Variants in ERCC6L2 observed in about 807,000 individuals in gnomAD.
The protein encoded by ERCC6L2 is DNA excision repair protein ERCC-6-like 2.
A neutral mutation model predicts 132.0 loss-of-function variants in ERCC6L2; 77 were observed. The ratio of observed to expected loss-of-function variants is 0.58; its 90% CI spans 0.49 to 0.71. The LOEUF is 0.71. Ranked by LOEUF, ERCC6L2 falls within the 30% of genes least tolerant of loss-of-function variation. The pLI, the probability that ERCC6L2 is intolerant of heterozygous loss-of-function variation, is 0.00. For missense variants in ERCC6L2, 1,542 were observed against 1,837.6 expected (o/e 0.84, Z 2.94); for synonymous variants, 583 against 632.4 (o/e 0.92, Z 1.17).
intron 19 of ERCC6L2, among the ~76,000 whole-genome samples, chr9:96,024,501 T>C (rs1243958262): frequency 6.6e-6 from 1 of 152,230 alleles, no homozygotes; most frequent in Admixed American, 6.5e-5. Flanking sequence ...CTTGCTGTCC[T>C]CGGACCTCTC....
chr9:95,973,816 A>G (rs74410780), intron 16 of ERCC6L2, among the ~76,000 whole-genome samples: 1,561 of 152,298 alleles, frequency 0.01, 10 homozygotes, highest in Non-Finnish European at 0.016. Flanking sequence ...TAAAAATATT[A>G]TATAGTCTTT....
chr9:95,985,773 C>T (rs1564286892), intron 17 of ERCC6L2, among the ~76,000 whole-genome samples: 1 of 152,188 alleles, frequency 6.6e-6, no homozygotes, highest in Non-Finnish European at 1.5e-5. Context: ...AGACACTCAC[C>T]TAATCAAGAT....
chr9:96,002,947 A>C (rs1431195879), intron 17 of ERCC6L2, among the ~76,000 whole-genome samples: 2 of 151,788 alleles, frequency 1.3e-5, no homozygotes, highest in Non-Finnish European at 2.9e-5. Flanking sequence ...CATTTTAGAA[A>C]CTTTGATATG....
chr9:95,974,530 A>T (rs997812157), intron 16 of ERCC6L2, among the ~76,000 whole-genome samples: 22 of 152,166 alleles, frequency 1.4e-4, no homozygotes, highest in African/African-American at 5.3e-4. Context: ...GCTTCCTTGT[A>T]GTCTAGTCTT....
chr9:96,014,341 T>C lies in ERCC6L2; in HGVS notation c.*1138T>C, dbSNP rs908662476. ...AACTGGCTGTGCTAAAGAGCACTGC[T>C]ATCAAGTTGAGGAGAGAGGGCTTCC... is the stretch of plus-strand genomic sequence containing the variant. On this transcript the variant is annotated 3_prime_UTR_variant, in exon 19 of 19. Transcript: ENST00000653738. The C allele has an allele frequency of 3.3e-5, 5 of 152,244 alleles. No homozygotes were observed. Among genetic ancestry groups the C allele is most frequent in the African/African-American group, 1.2e-4 (5 of 41,462 alleles). 9.4% of individuals were successfully genotyped at this position (152,244 alleles called of 1,614,324 possible). A position where few individuals can be genotyped will look rare whatever the true frequency, so the allele number is the denominator to read the frequency against.
intron 4 of ERCC6L2, among the ~76,000 whole-genome samples, chr9:95,914,316 C>T (rs970713784): frequency 6.6e-6 from 1 of 151,778 alleles, no homozygotes; most frequent in Non-Finnish European, 1.5e-5. Flanking sequence ...GAATCTTTTG[C>T]TCATGTTTTA....
chr9:95,907,705 A>G (rs1208997369), intron 4 of ERCC6L2, among the ~76,000 whole-genome samples: 2 of 152,104 alleles, frequency 1.3e-5, no homozygotes, highest in Admixed American at 1.3e-4. Context: ...AAAGAATGAT[A>G]AGACTTGTCC....
intron 2 of ERCC6L2, among the ~76,000 whole-genome samples, chr9:95,892,028 G>A (rs1288428543): frequency 6.6e-6 from 1 of 152,000 alleles, no homozygotes; most frequent in African/African-American, 2.4e-5. Context: ...TTTGATGCAC[G>A]AAAGTTAAGT....
chr9:95,895,207 GC>G (rs1475272357), intron 2 of ERCC6L2, among the ~76,000 whole-genome samples: 1 of 151,760 alleles, frequency 6.6e-6, no homozygotes, highest in Non-Finnish European at 1.5e-5. Flanking sequence ...ATTTCATAAT[GC>G]TTTTTTGTCT....
At chr9:95,997,990 T>A (rs1049309838) in intron 17 of ERCC6L2, among the ~76,000 whole-genome samples, 1 of 152,204 alleles carries the variant, frequency 6.6e-6, no homozygotes, top group African/African-American at 2.4e-5. Flanking sequence ...CACCAAAATG[T>A]TTATAAAGTA....
At chr9:95,895,606 C>T (rs1041430096) in intron 2 of ERCC6L2, among the ~76,000 whole-genome samples, 1 of 152,060 alleles carries the variant, frequency 6.6e-6, no homozygotes, top group African/African-American at 2.4e-5. Context: ...ACAACAGATA[C>T]CATTGATTTA....
At chr9:95,904,699 A>G (rs181003914) in intron 3 of ERCC6L2, among the ~76,000 whole-genome samples, 75 of 152,274 alleles carry the variant, frequency 4.9e-4, no homozygotes, top group African/African-American at 1.8e-3. Flanking sequence ...TAATACTATT[A>G]CTACTTCTGC....
Position 95,972,111 on chromosome 9 carries a change from A to T in ERCC6L2, c.2360A>T (p.Gln787Leu). 7.7e-7 allele frequency: 1 copy of T among 1,304,286 alleles called. No homozygotes were observed. The highest frequency in any genetic ancestry group is 1.2e-5 in the South Asian group (1 of 81,022). 80.8% of individuals were successfully genotyped at this position (1,304,286 alleles called of 1,614,324 possible). A position where few individuals can be genotyped will look rare whatever the true frequency, so the allele number is the denominator to read the frequency against. The change falls in exon 16 of 19, where the codon CAG becomes CTG. Residue 787 changes from glutamine (Q) to leucine (L), a missense_variant. Gln to Leu is a moderately radical substitution (Grantham distance 113, BLOSUM62 -2). Coordinates refer to ENST00000653738, the MANE Select transcript of ERCC6L2 (RefSeq NM_020207.7). ...DSSKASSSPG[Q>L]LTLLQCGFSK... Reference sequence around the variant, plus strand: ...AGTAAAGCTTCCAGCTCTCCAGGACAGCTTACCTTACTCCAGTGTGGTTTC... The same window carrying T: ...AGTAAAGCTTCCAGCTCTCCAGGACTGCTTACCTTACTCCAGTGTGGTTTC...
rs777295574 is a variant in ERCC6L2 at position 95,880,904 on chromosome 9, T to A, written c.82T>A (p.Ser28Thr). 1.2e-6 allele frequency: 2 copies of A among 1,613,118 alleles called. No homozygotes were observed. Among genetic ancestry groups the A allele is most frequent in the Non-Finnish European group, 8.5e-7 (1 of 1,179,470 alleles). ...WHPGERCLAP[S>T]PDNGKLCEAS... ...TCCAGGAGAAAGATGTCTTGCCCCT[T>A]CTCCAGATAATGGAAAACTTTGTGA... Residue 28 changes from serine to threonine, a missense_variant, in exon 2 of 19, where the codon TCT (serine) becomes ACT (threonine). Ser to Thr is a moderately conservative substitution (Grantham distance 58, BLOSUM62 1). Coordinates refer to ENST00000653738, the MANE Select transcript of ERCC6L2 (RefSeq NM_020207.7).
chr9:95,965,516 C>CT (rs754040123), intron 13 of ERCC6L2, among the ~76,000 whole-genome samples: 8 of 151,930 alleles, frequency 5.3e-5, no homozygotes, highest in Admixed American at 2.0e-4. Context: ...AAGCATTTCT[C>CT]TTTTTTTGTT....
intron 17 of ERCC6L2, among the ~76,000 whole-genome samples, chr9:95,996,870 T>C (rs929084863): frequency 6.6e-6 from 1 of 152,242 alleles, no homozygotes; most frequent in African/African-American, 2.4e-5. Flanking sequence ...GTTGTTTTCA[T>C]GTCTACTAAC....
intron 2 of ERCC6L2, among the ~76,000 whole-genome samples, chr9:95,895,168 T>C (rs1828385710): frequency 6.6e-6 from 1 of 152,196 alleles, no homozygotes; most frequent in African/African-American, 2.4e-5. Flanking sequence ...AATTTTATTA[T>C]CAATATTAAG....
At chr9:95,982,150 C>G (rs1006065280) in intron 17 of ERCC6L2, among the ~76,000 whole-genome samples, 2 of 152,072 alleles carry the variant, frequency 1.3e-5, no homozygotes, top group African/African-American at 4.8e-5. Context: ...TAGTAAGCCC[C>G]TCTTTATGTT....
At chr9:95,915,471 T>G (rs1217937958) in intron 4 of ERCC6L2, among the ~76,000 whole-genome samples, 197 bp from the exon 5 acceptor site, 1 of 152,236 alleles carries the variant, frequency 6.6e-6, no homozygotes, top group Non-Finnish European at 1.5e-5. Context: ...ACCCTTTCTT[T>G]TCTACGCATT....
Sources: gnomAD v4.1 joint callset for allele counts (sites outside exome capture counted in the v4.1 genomes callset) on GRCh38, gnomAD v4.1.1 for gene constraint, MANE v1.5 for transcripts, NCBI Gene and HGNC (gene_info 2026-07-23, HGNC 2026-07-21) for gene names.